SEMA3E: variants seen among roughly 807,000 people sequenced by gnomAD.
SEMA3E encodes semaphorin 3E.
Under a neutral mutation model 93.6 loss-of-function variants are expected in SEMA3E, and 49 were observed. The observed-to-expected ratio is 0.52, with a 90% CI of 0.42 to 0.66. SEMA3E has a LOEUF of 0.66. Ranked by LOEUF, SEMA3E falls within the 30% of genes least tolerant of loss-of-function variation. The pLI is 0.00. For synonymous variants in SEMA3E, 363 were observed against 330.7 expected (o/e 1.10, Z -1.06); for missense variants, 906 against 964.8 (o/e 0.94, Z 0.81).
chr7:83,387,608 A>G (rs1562756711), intron 14 of SEMA3E, among the ~76,000 whole-genome samples: 2 of 151,938 alleles, frequency 1.3e-5, no homozygotes, highest in East Asian at 1.9e-4. Context: ...TTCAGATATA[A>G]CATTGCCTCT....
intron 4 of SEMA3E, among the ~76,000 whole-genome samples, chr7:83,465,850 T>C (rs1019448968): frequency 6.6e-6 from 1 of 152,210 alleles, no homozygotes; most frequent in Non-Finnish European, 1.5e-5. Flanking sequence ...ATAGGTTATA[T>C]GACTGATCTT....
At chr7:83,533,132 G>A (rs1410662991) in intron 1 of SEMA3E, among the ~76,000 whole-genome samples, 1 of 152,006 alleles carries the variant, frequency 6.6e-6, no homozygotes, top group East Asian at 1.9e-4. Context: ...CTGTACAACT[G>A]ACATTACCTA....
At chr7:83,515,642 G>T (rs1460347305) in intron 1 of SEMA3E, among the ~76,000 whole-genome samples, 1 of 152,128 alleles carries the variant, frequency 6.6e-6, no homozygotes, top group African/African-American at 2.4e-5. Context: ...CTTCCAGATA[G>T]ACTGCTCACC....
chr7:83,465,511 A>G (rs2722995), intron 4 of SEMA3E, among the ~76,000 whole-genome samples: 148,029 of 152,300 alleles, frequency 0.97, 72,093 homozygotes, highest in Middle Eastern at 1. Context: ...GGGTTAACTA[A>G]TATAAGGAAT....
intron 4 of SEMA3E, among the ~76,000 whole-genome samples, chr7:83,442,735 A>G (rs138101707): frequency 6.6e-6 from 1 of 152,058 alleles, no homozygotes; most frequent in African/African-American, 2.4e-5. Flanking sequence ...ATGTAGAGTT[A>G]CGTGTTTTCA....
At chr7:83,377,214 T>A (rs1437240501) in intron 16 of SEMA3E, among the ~76,000 whole-genome samples, 1 of 152,056 alleles carries the variant, frequency 6.6e-6, no homozygotes, top group Non-Finnish European at 1.5e-5. Flanking sequence ...CAATGAAATT[T>A]TAGTTTTAGT....
At chr7:83,484,467 CATCT>C (rs1384620952) in intron 2 of SEMA3E, among the ~76,000 whole-genome samples, 1 of 152,152 alleles carries the variant, frequency 6.6e-6, no homozygotes, top group Non-Finnish European at 1.5e-5. Flanking sequence ...AATGCCTGTC[CATCT>C]GTTTCAATGA....
rs559828060 is a variant in SEMA3E at position 83,634,291 on chromosome 7, AG to A, written c.115+14136del. Among the ~76,000 whole-genome samples the A allele has an allele frequency of 1.0e-3, 152 of 152,194 alleles. 1 individual carries two copies. Among genetic ancestry groups the A allele is most frequent in the Non-Finnish European group, 1.7e-3 (115 of 68,026 alleles). ...GTTTCTGAGTGATAACTGCTTTATT[AG>A]TGTGTAAGCTATCTCATTGGTAATG... On this transcript the variant is annotated intron_variant, in intron 1 of 16. Transcript: ENST00000643230.
chr7:83,606,289 T>C (rs1793115869), intron 1 of SEMA3E, among the ~76,000 whole-genome samples: 1 of 152,222 alleles, frequency 6.6e-6, no homozygotes, highest in South Asian at 2.1e-4. Flanking sequence ...TTCATTGGCC[T>C]TAATATTTTA....
intron 16 of SEMA3E, chr7:83,372,052 TA>T (rs1794756071): frequency 5.2e-6 from 2 of 382,804 alleles, no homozygotes; most frequent in Admixed American, 4.5e-5. Flanking sequence ...AATTATCCTA[TA>T]ATGAGTAAAG....
intron 16 of SEMA3E, among the ~76,000 whole-genome samples, chr7:83,374,230 A>C (rs1437504845): frequency 1.4e-5 from 2 of 140,498 alleles, no homozygotes; most frequent in Non-Finnish European, 3.1e-5. Context: ...AAAAAAAAAG[A>C]CAGAAAGAAA....
chr7:83,413,677 G>C (rs1489358493), intron 5 of SEMA3E, among the ~76,000 whole-genome samples: 1 of 152,188 alleles, frequency 6.6e-6, no homozygotes, highest in Non-Finnish European at 1.5e-5. Context: ...TAGGCATTTA[G>C]CTGTTGTTTG....
At chr7:83,478,040 C>A (rs927619007) in intron 2 of SEMA3E, among the ~76,000 whole-genome samples, 6 of 152,028 alleles carry the variant, frequency 3.9e-5, no homozygotes, top group East Asian at 3.9e-4. Flanking sequence ...CCTGCCTCAG[C>A]CTCCCAACTA....
chr7:83,567,855 G>A (rs893904056), intron 1 of SEMA3E, among the ~76,000 whole-genome samples: 1 of 151,534 alleles, frequency 6.6e-6, no homozygotes, highest in Non-Finnish European at 1.5e-5. Context: ...AACTAAAAAA[G>A]CAATATTAAA....
intron 1 of SEMA3E, among the ~76,000 whole-genome samples, chr7:83,563,189 T>G (rs536942467): frequency 1.3e-5 from 2 of 152,260 alleles, no homozygotes; most frequent in South Asian, 4.1e-4. Flanking sequence ...GATACAGCGT[T>G]GATCAACACA....
chr7:83,367,345 T>G lies in SEMA3E; in HGVS notation c.*241A>C. On this transcript the variant is annotated 3_prime_UTR_variant, in exon 17 of 17. Coordinates refer to ENST00000643230, the MANE Select transcript of SEMA3E (RefSeq NM_012431.3). The stretch of plus-strand genomic sequence containing the variant: ...TACTGAAAATAACAGCTACAGTTGT[T>G]TTTTGATAAACATAATGAGAAACCA... The G allele has an allele frequency of 4.4e-6, 2 of 450,774 alleles. No homozygotes were observed. The highest frequency in any genetic ancestry group is 7.9e-6 in the Non-Finnish European group (2 of 253,294). 27.9% of individuals were successfully genotyped at this position (450,774 alleles called of 1,614,324 possible).
chr7:83,405,553 T>A (rs1332688730), intron 8 of SEMA3E, 34 bp from the exon 9 acceptor site: 1 of 1,566,294 alleles, frequency 6.4e-7, no homozygotes, highest in African/African-American at 1.4e-5. Flanking sequence ...TCGCTTAGTA[T>A]TTTTAGCTCT....
At chr7:83,646,850 A>C (rs1401323807) in intron 1 of SEMA3E, among the ~76,000 whole-genome samples, 1 of 152,108 alleles carries the variant, frequency 6.6e-6, no homozygotes, top group Non-Finnish European at 1.5e-5. Flanking sequence ...ATGAAAACAC[A>C]AGTACCCCAA....
intron 2 of SEMA3E, among the ~76,000 whole-genome samples, chr7:83,478,242 T>C (rs113457090): frequency 0.028 from 4,226 of 152,188 alleles, 212 homozygotes; most frequent in African/African-American, 0.097. Flanking sequence ...CTTTAAATTA[T>C]AGTAGTGAGA....
Sources: allele counts gnomAD v4.1 joint callset (sites outside exome capture counted in the v4.1 genomes callset), GRCh38; gene constraint gnomAD v4.1.1; transcripts MANE v1.5; gene names NCBI Gene and HGNC (gene_info 2026-07-23, HGNC 2026-07-21).